Variants in SYT14 observed in about 807,000 individuals in gnomAD.
SYT14 encodes synaptotagmin-14.
SYT14 carries 32 observed loss-of-function variants against 74.2 expected under a neutral mutation model. The observed-to-expected ratio is 0.43, with a 90% CI of 0.33 to 0.58. The LOEUF (loss-of-function observed/expected upper bound fraction) is 0.58, where lower values mean the gene tolerates loss of function less well. Ranked by LOEUF, SYT14 falls within the 20% of genes least tolerant of loss-of-function variation. The probability of loss-of-function intolerance (pLI) is 0.05; values close to 1 mark genes in which losing one functional copy is unlikely to be tolerated. For missense variants in SYT14, 791 were observed against 981.8 expected (o/e 0.81, Z 2.60); for synonymous variants, 298 against 337.7 (o/e 0.88, Z 1.29).
chr1:210,127,312 G>A (rs2082587658), intron 7 of SYT14, among the ~76,000 whole-genome samples: 1 of 152,178 alleles, frequency 6.6e-6, no homozygotes, highest in Non-Finnish European at 1.5e-5. Context: ...AGATCCTCAG[G>A]GAGTTGCTAA....
intron 8 of SYT14, 151 bp from the exon 8 acceptor site, chr1:210,159,270 A>T: frequency 2.6e-6 from 2 of 775,680 alleles, no homozygotes; most frequent in South Asian, 1.6e-5. Context: ...TTTTTGTTCA[A>T]TCCTCTATCT....
chr1:210,027,380 A>G (rs1572179259), intron 5 of SYT14, among the ~76,000 whole-genome samples: 2 of 151,424 alleles, frequency 1.3e-5, no homozygotes, highest in South Asian at 4.2e-4. Flanking sequence ...ATGCAACTAC[A>G]CTCCAGCATA....
chr1:210,079,865 T>C (rs1001304604), intron 5 of SYT14, among the ~76,000 whole-genome samples: 9 of 152,214 alleles, frequency 5.9e-5, no homozygotes, highest in Non-Finnish European at 1.2e-4. Context: ...AAAATATTGA[T>C]TGAAATTAAC....
intron 2 of SYT14, among the ~76,000 whole-genome samples, chr1:209,999,380 C>T (rs1348906492): frequency 6.6e-6 from 1 of 152,038 alleles, no homozygotes; most frequent in Non-Finnish European, 1.5e-5. Flanking sequence ...AACTACCATA[C>T]AATCCAGAAA....
intron 2 of SYT14, among the ~76,000 whole-genome samples, chr1:209,985,873 G>A (rs2079561843): frequency 6.6e-6 from 1 of 152,162 alleles, no homozygotes; most frequent in African/African-American, 2.4e-5. Flanking sequence ...GGTATACCTG[G>A]GCCTTTTTGA....
At chr1:210,047,923 C>T (rs999795801) in intron 5 of SYT14, among the ~76,000 whole-genome samples, 2 of 152,178 alleles carry the variant, frequency 1.3e-5, no homozygotes, top group South Asian at 4.1e-4. Flanking sequence ...CAGTGTGTTA[C>T]ATCAGGGACC....
chr1:209,982,105 G>C (rs543621488), intron 2 of SYT14, among the ~76,000 whole-genome samples: 6 of 151,874 alleles, frequency 4.0e-5, no homozygotes, highest in Admixed American at 1.3e-4. Context: ...TAATTCATAG[G>C]TTTGGTTACT....
intron 1 of SYT14, among the ~76,000 whole-genome samples, chr1:209,951,693 C>G (rs1572057711): frequency 6.6e-6 from 1 of 152,030 alleles, no homozygotes; most frequent in East Asian, 1.9e-4. Flanking sequence ...CACAGCAAAC[C>G]CAAATCAATC....
chr1:210,160,992 G>T lies in SYT14; in HGVS notation c.2545G>T (p.Glu849Ter). Residue 849 changes from glutamate (E) to a stop codon, truncating the protein, a stop_gained, in exon 10 of 10, where the codon GAG becomes TAG. Coordinates refer to ENST00000637265, the Ensembl canonical transcript of SYT14. LOFTEE classifies it high-confidence loss of function. ...ACTCAATCACTGGACTGAAATGAAA[G>T]AGTCAAAAGGACAGCAAGTATGTAG... The T allele has an allele frequency of 6.2e-7, 1 of 1,613,934 alleles. No individual in the cohort carries two copies. The highest frequency in any genetic ancestry group is 8.5e-7 in the Non-Finnish European group (1 of 1,179,864).
At chr1:210,069,579 A>G (rs2081356479) in intron 5 of SYT14, among the ~76,000 whole-genome samples, 1 of 151,962 alleles carries the variant, frequency 6.6e-6, no homozygotes, top group African/African-American at 2.4e-5. Context: ...CTCAAAAACT[A>G]TTTTATTTGT....
intron 2 of SYT14, among the ~76,000 whole-genome samples, chr1:209,961,933 G>A (rs1037279685): frequency 6.6e-6 from 1 of 152,006 alleles, no homozygotes; most frequent in Non-Finnish European, 1.5e-5. Flanking sequence ...ACAACGAAGT[G>A]GCTCCTAGTA....
chr1:210,015,766 T>A, exon 4 of SYT14: 1 of 648,622 alleles, frequency 1.5e-6, no homozygotes, highest in Non-Finnish European at 2.1e-6. Context: ...AGAAAAAATG[T>A]CATAACGTTT....
At chr1:210,099,217 C>T (rs905771027) in intron 6 of SYT14, among the ~76,000 whole-genome samples, 1 of 151,910 alleles carries the variant, frequency 6.6e-6, no homozygotes, top group Non-Finnish European at 1.5e-5. Flanking sequence ...AGCTAAAACC[C>T]CTATTACATT....
chr1:209,980,369 T>G (rs947119206), intron 2 of SYT14, among the ~76,000 whole-genome samples: 4 of 152,170 alleles, frequency 2.6e-5, no homozygotes, highest in African/African-American at 7.2e-5. Flanking sequence ...ATGGATAGAT[T>G]GCAAAATTTT....
chr1:210,069,387 A>G (rs906341803), intron 5 of SYT14, among the ~76,000 whole-genome samples: 4 of 152,070 alleles, frequency 2.6e-5, no homozygotes, highest in Non-Finnish European at 5.9e-5. Context: ...ATCTTCCACT[A>G]TGATTGTAGA....
At chr1:209,970,564 A>G (rs1262496930) in intron 2 of SYT14, among the ~76,000 whole-genome samples, 5 of 148,002 alleles carry the variant, frequency 3.4e-5, no homozygotes, top group Non-Finnish European at 4.4e-5. Context: ...TTGGTTCCAT[A>G]TGAATTTTAG....
exon 10 of SYT14, chr1:210,164,893 T>C (rs1376544561): frequency 1.3e-5 from 2 of 152,176 alleles, no homozygotes; most frequent in African/African-American, 4.8e-5. Flanking sequence ...ATTATTATTG[T>C]CAACCATATT....
chr1:210,162,765 A>G (rs1034100946), exon 10 of SYT14: 6 of 445,410 alleles, frequency 1.3e-5, no homozygotes, highest in Admixed American at 1.2e-4. Context: ...GAACTTCTGT[A>G]TTTTTTTAGT....
chr1:210,073,120 A>G (rs1480440492), intron 5 of SYT14, among the ~76,000 whole-genome samples: 1 of 151,886 alleles, frequency 6.6e-6, no homozygotes, highest in Non-Finnish European at 1.5e-5. Flanking sequence ...AAATTCTAAC[A>G]TTATACAACC....
Sources: allele counts gnomAD v4.1 joint callset (sites outside exome capture counted in the v4.1 genomes callset), GRCh38; gene constraint gnomAD v4.1.1; transcripts MANE v1.5; gene names NCBI Gene and HGNC (gene_info 2026-07-23, HGNC 2026-07-21).